Variants in BNIPL observed in about 807,000 individuals in gnomAD.
BNIPL encodes the protein BCL2 interacting protein like, also known as bcl-2/adenovirus E1B 19 kDa-interacting protein 2-like protein.
In BNIPL, 33 loss-of-function variants were observed where a neutral mutation model predicts 47.0. The ratio of observed to expected loss-of-function variants is 0.70; its 90% CI spans 0.53 to 0.94. The LOEUF (loss-of-function observed/expected upper bound fraction) is 0.94, where lower values mean the gene tolerates loss of function less well. Among genes scored for constraint, BNIPL ranks in the 40% least tolerant of loss-of-function variants. The pLI, the probability that BNIPL is intolerant of heterozygous loss-of-function variation, is 0.00. For synonymous variants in BNIPL, 145 were observed against 162.7 expected (o/e 0.89, Z 0.83); for missense variants, 404 against 445.2 (o/e 0.91, Z 0.83).
chr1:151,037,498 T>C, intron 1 of BNIPL, 69 bp from the exon 2 acceptor site: 4 of 1,537,584 alleles, frequency 2.6e-6, no homozygotes, highest in South Asian at 2.4e-5. Flanking sequence ...TCAATTACTG[T>C]TCTTCATTTC....
Position 151,036,667 on chromosome 1 carries a change from C to T in BNIPL, c.-59C>T, listed in dbSNP as rs1165170946. The T allele has an allele frequency of 1.4e-6, 2 of 1,465,384 alleles. No homozygotes were observed. Among genetic ancestry groups the T allele is most frequent in the African/African-American group, 2.8e-5 (2 of 71,818 alleles). The allele number at this position is 1,465,384 out of a possible 1,614,324, so 90.8% of individuals were successfully genotyped here. ...GGTAAGGAAGTGTTGGGGGCTGGGA[C>T]AACCAGCTCCCCAACAACTCCTAGG... On this transcript the variant is annotated 5_prime_UTR_variant, in exon 1 of 10. Coordinates refer to ENST00000368931, the MANE Select transcript of BNIPL (RefSeq NM_138278.4).
At chr1:151,043,748 G>A (rs1344188297) in intron 7 of BNIPL, 21 bp downstream of exon 7, 1 of 1,593,220 alleles carries the variant, frequency 6.3e-7, no homozygotes, top group East Asian at 2.2e-5. Flanking sequence ...GGATGAGAGG[G>A]CTACAACTCT....
At chr1:151,039,190 TGA>T (rs1675736258) in intron 4 of BNIPL, among the ~76,000 whole-genome samples, 164 bp downstream of exon 4, 1 of 152,168 alleles carries the variant, frequency 6.6e-6, no homozygotes, top group Non-Finnish European at 1.5e-5. Flanking sequence ...AGGTCCAATG[TGA>T]GAGTAGTCAG....
intron 2 of BNIPL, among the ~76,000 whole-genome samples, chr1:151,038,230 C>G (rs1675695880): frequency 1.3e-5 from 2 of 151,692 alleles, no homozygotes. Flanking sequence ...AAAATTTAGC[C>G]AAGTGTGGTG....
chr1:151,038,964 A>G lies in BNIPL; in HGVS notation c.371A>G (p.Asp124Gly), dbSNP rs1337956297. 6.2e-7 allele frequency: 1 copy of G among 1,612,284 alleles called. No homozygotes were observed. The highest frequency in any genetic ancestry group is 1.3e-5 in the African/African-American group (1 of 74,828). ...SPDGSSDLEI[D>G]ELETPSDSEQ... is the part of the protein sequence containing the mutation. ...GATGGCAGTTCTGACCTGGAGATAGACGAATTGGAGACACCTTCAGACTCG... is the reference window on the plus strand; with the variant it reads ...GATGGCAGTTCTGACCTGGAGATAGGCGAATTGGAGACACCTTCAGACTCG... Residue 124 changes from aspartate to glycine, a missense_variant, in exon 4 of 10, where the codon GAC (aspartate) becomes GGC (glycine). Transcript: ENST00000368931.
In BNIPL at chr1:151,043,662, C is replaced by G; in HGVS notation, c.786C>G (p.Gly262=). The G allele has an allele frequency of 2.5e-6, 4 of 1,612,508 alleles. No individual in the cohort carries two copies. Among genetic ancestry groups the G allele is most frequent in the Non-Finnish European group, 3.4e-6 (4 of 1,178,550 alleles). ...ENYLLVHLSG[G]TSRAQVPPLS... is the part of the protein sequence containing the mutation. ...ACCTGCTTGTTCATTTGAGTGGAGG[C>G]ACAAGCAGGGCCCAAGTTCCACCTC... Residue 262 remains glycine, a synonymous_variant, in exon 7 of 10, where the codon GGC becomes GGG. Transcript: ENST00000368931.
intron 1 of BNIPL, chr1:151,037,251 TG>T: frequency 1.1e-6 from 1 of 871,824 alleles, no homozygotes; most frequent in Non-Finnish European, 1.5e-6. Flanking sequence ...CAATGATAGC[TG>T]GGTGGGTCTA....
At chr1:151,045,368 G>A (rs1226419407) in intron 7 of BNIPL, among the ~76,000 whole-genome samples, 1 of 149,870 alleles carries the variant, frequency 6.7e-6, no homozygotes, top group African/African-American at 2.5e-5. Flanking sequence ...TCAGGAGATC[G>A]AGACCATGGT....
intron 4 of BNIPL, among the ~76,000 whole-genome samples, chr1:151,040,426 C>G (rs889305535): frequency 2.6e-5 from 4 of 152,138 alleles, no homozygotes; most frequent in African/African-American, 9.7e-5. Flanking sequence ...AGCAATCCTC[C>G]TGCCTCAGTC....
chr1:151,045,906 C>A (rs1676005549), intron 8 of BNIPL, 23 bp downstream of exon 8: 1 of 1,614,000 alleles, frequency 6.2e-7, no homozygotes, highest in Non-Finnish European at 8.5e-7. Context: ...GGAACAAGGA[C>A]TCCTTTCTCC....
chr1:151,042,927 G>A (rs1675878272), intron 4 of BNIPL, 29 bp from the exon 5 acceptor site: 1 of 1,475,710 alleles, frequency 6.8e-7, no homozygotes, highest in African/African-American at 1.5e-5. Flanking sequence ...AATCTGCCTT[G>A]TTGATCCTTC....
rs1452245230 is a variant in BNIPL at position 151,044,886 on chromosome 1, A to G, written c.852-911A>G. ...CTGGTCTTCTTCCACCTAGAGTTTT[A>G]TAAGTAATCTTGGTCATGGAGCGAT... On this transcript the variant is annotated intron_variant, in intron 7 of 9. Transcript: ENST00000368931. 6.2e-6 allele frequency: 8 copies of G among 1,286,764 alleles called. No homozygotes were observed. The African/African-American group carries it at 7.7e-5, about 12-fold the overall frequency. 79.7% of individuals were successfully genotyped at this position (1,286,764 alleles called of 1,614,324 possible).
At chr1:151,042,167 T>G (rs1161085953) in intron 4 of BNIPL, among the ~76,000 whole-genome samples, 3 of 152,096 alleles carry the variant, frequency 2.0e-5, no homozygotes, top group Non-Finnish European at 2.9e-5. Flanking sequence ...ACTGCAGCCT[T>G]GAACTCCTGG....
intron 9 of BNIPL, 118 bp downstream of exon 9, chr1:151,046,283 G>T: frequency 6.9e-7 from 1 of 1,453,304 alleles, no homozygotes; most frequent in Non-Finnish European, 9.1e-7. Flanking sequence ...CTGTTTTCGG[G>T]TGCTTTAATG....
chr1:151,047,167 G>A lies in BNIPL; in HGVS notation c.*480G>A. The A allele has an allele frequency of 6.5e-6, 1 of 154,232 alleles. No individual in the cohort carries two copies. The highest frequency in any genetic ancestry group is 1.9e-4 in the South Asian group (1 of 5,220). The allele number at this position is 154,232 out of a possible 1,614,324, so 9.6% of individuals were successfully genotyped here. A position where few individuals can be genotyped will look rare whatever the true frequency, so the allele number is the denominator to read the frequency against. On this transcript the variant is annotated 3_prime_UTR_variant, in exon 10 of 10. Coordinates refer to ENST00000368931, the MANE Select transcript of BNIPL (RefSeq NM_138278.4). ...AGTAGAGACGGGGTTTCACCATGTTGGCCAGGATGGTCTCGATCTCTTGAC... is the reference window on the plus strand; with the variant it reads ...AGTAGAGACGGGGTTTCACCATGTTAGCCAGGATGGTCTCGATCTCTTGAC...
At position 151,042,986 on chromosome 1, in the gene BNIPL, C is replaced by G. The variant is rs1675881002; in HGVS notation, c.464C>G (p.Thr155Ser). 1.9e-6 allele frequency: 3 copies of G among 1,604,266 alleles called. No homozygotes were observed. Among genetic ancestry groups the G allele is most frequent in the Non-Finnish European group, 2.5e-6 (3 of 1,177,352 alleles). ...CTACCCCGGGCAGAGGGTCTGGGCACCAGTGAGACAGCTGAAAGGCTGGGC... is the reference window on the plus strand; with the variant it reads ...CTACCCCGGGCAGAGGGTCTGGGCAGCAGTGAGACAGCTGAAAGGCTGGGC... Reference protein sequence around the residue: ...DELPRAEGLGTSETAERLGRG... With the variant: ...DELPRAEGLGSSETAERLGRG... The change falls in exon 5 of 10, where the codon ACC (threonine) becomes AGC (serine). Residue 155 changes from threonine (T) to serine (S), a missense_variant. Physicochemically the swap from Thr to Ser is moderately conservative, Grantham distance 58. Transcript: ENST00000368931.
intron 7 of BNIPL, 58 bp from the exon 8 acceptor site, chr1:151,045,739 G>A (rs375190503): frequency 3.5e-5 from 56 of 1,613,046 alleles, no homozygotes; most frequent in African/African-American, 9.3e-5. Flanking sequence ...ACAGTTCCAC[G>A]TGATCTTCAC....
At chr1:151,037,246 ATAGCTGGGTGGGTC>A in intron 1 of BNIPL, 1 of 845,414 alleles carries the variant, frequency 1.2e-6, no homozygotes, top group Non-Finnish European at 1.5e-6. Flanking sequence ...TTGCTCAATG[ATAGCTGGGTGGGTC>A]TAGCTGGGTT....
intron 2 of BNIPL, among the ~76,000 whole-genome samples, chr1:151,037,964 C>T (rs1675679155): frequency 8.3e-6 from 1 of 120,972 alleles, no homozygotes; most frequent in Non-Finnish European, 1.6e-5. Context: ...TGTGCCATTA[C>T]ACCCGAGCTT....
Sources: gnomAD v4.1 joint callset for allele counts (sites outside exome capture counted in the v4.1 genomes callset) on GRCh38, gnomAD v4.1.1 for gene constraint, MANE v1.5 for transcripts, NCBI Gene and HGNC (gene_info 2026-07-23, HGNC 2026-07-21) for gene names.